Variants in HSD17B12 observed in about 807,000 individuals in gnomAD.
HSD17B12 encodes very-long-chain 3-oxoacyl-CoA reductase.
Under a neutral mutation model 39.3 loss-of-function variants are expected in HSD17B12, and 32 were observed. That is an observed-to-expected ratio of 0.81 (90% CI 0.61 to 1.09). The LOEUF (loss-of-function observed/expected upper bound fraction) is 1.09. HSD17B12 is among the 50% of genes least tolerant of loss of function. The pLI is 0.00. For missense variants in HSD17B12, 342 were observed against 382.9 expected (o/e 0.89, Z 0.89); for synonymous variants, 150 against 146.7 (o/e 1.02, Z -0.16).
intron 4 of HSD17B12, among the ~76,000 whole-genome samples, chr11:43,801,900 A>T (rs1162164178): frequency 6.6e-6 from 1 of 152,164 alleles, no homozygotes; most frequent in Non-Finnish European, 1.5e-5. Context: ...GTTCAATAGA[A>T]ATGTAACACA....
intron 6 of HSD17B12, among the ~76,000 whole-genome samples, chr11:43,822,086 T>A (rs1030186818): frequency 6.6e-6 from 1 of 152,174 alleles, no homozygotes; most frequent in Non-Finnish European, 1.5e-5. Flanking sequence ...GCTGAATCTC[T>A]TAGGAAATGT....
Position 43,680,788 on chromosome 11 carries a change from T to A in HSD17B12, c.-40T>A. ...CCTCCTCCTGGATTCATTCACTCGC[T>A]CTTTTCATTCACGAAGGTAGTGAGG... On this transcript the variant is annotated 5_prime_UTR_variant, in exon 1 of 11. Coordinates refer to ENST00000278353, the MANE Select transcript of HSD17B12 (RefSeq NM_016142.3). 1 of 1,565,984 alleles carries A rather than the reference T, an allele frequency of 6.4e-7. No individual in the cohort carries two copies.
At chr11:43,666,275 C>T in the HSD17B12 span, among the ~76,000 whole-genome samples, 1 of 152,280 alleles carries the variant, frequency 6.6e-6, no homozygotes, top group African/African-American at 2.4e-5. Flanking sequence ...GCAGTCATGG[C>T]TTACTGCAGC....
At chr11:43,709,612 A>AT (rs886796824) in intron 1 of HSD17B12, among the ~76,000 whole-genome samples, 1 of 152,126 alleles carries the variant, frequency 6.6e-6, no homozygotes, top group Admixed American at 6.5e-5. Flanking sequence ...GAGTAATTGG[A>AT]TTTTTTTCTC....
At chr11:43,659,417 C>T in the HSD17B12 span, among the ~76,000 whole-genome samples, 2 of 152,200 alleles carry the variant, frequency 1.3e-5, no homozygotes, top group Non-Finnish European at 2.9e-5. Context: ...CACTGTCTGG[C>T]ACTCCCCAGT....
chr11:43,807,987 A>G (rs114066022), intron 4 of HSD17B12, among the ~76,000 whole-genome samples: 4,102 of 152,278 alleles, frequency 0.027, 189 homozygotes, highest in African/African-American at 0.092. Context: ...ACAGTTACAG[A>G]GTTAGACATC....
At chr11:43,745,123 CT>C (rs1950401797) in intron 1 of HSD17B12, among the ~76,000 whole-genome samples, 2 of 152,164 alleles carry the variant, frequency 1.3e-5, no homozygotes, top group Non-Finnish European at 2.9e-5. Flanking sequence ...ACTCCAACAA[CT>C]GGAGAATCAG....
chr11:43,559,268 G>A, the HSD17B12 span, among the ~76,000 whole-genome samples: 4 of 152,186 alleles, frequency 2.6e-5, no homozygotes, highest in South Asian at 2.1e-4. Context: ...TCTGGTCCTG[G>A]AATTATAGCC....
At chr11:43,754,020 G>C (rs780127134) in intron 2 of HSD17B12, 26 bp from the exon 3 acceptor site, 6 of 1,518,036 alleles carry the variant, frequency 4.0e-6, no homozygotes, top group Non-Finnish European at 5.5e-6. Flanking sequence ...GCACAGGTGT[G>C]ATTCAAATCT....
At chr11:43,640,578 T>G in the HSD17B12 span, among the ~76,000 whole-genome samples, 2 of 152,056 alleles carry the variant, frequency 1.3e-5, no homozygotes, top group Non-Finnish European at 1.5e-5. Context: ...TTTCATATGT[T>G]TATTTGAAGC....
intron 4 of HSD17B12, among the ~76,000 whole-genome samples, chr11:43,799,929 A>C (rs1338457284): frequency 6.6e-6 from 1 of 152,124 alleles, no homozygotes; most frequent in Non-Finnish European, 1.5e-5. Context: ...CCATATACCG[A>C]CACCACTACT....
intron 4 of HSD17B12, among the ~76,000 whole-genome samples, chr11:43,806,626 G>T (rs564144619): frequency 6.6e-6 from 1 of 152,156 alleles, no homozygotes; most frequent in East Asian, 1.9e-4. Context: ...TCACTCATAT[G>T]TGTGAGCTTA....
the HSD17B12 span, among the ~76,000 whole-genome samples, chr11:43,657,448 T>C: frequency 6.6e-6 from 1 of 152,208 alleles, no homozygotes; most frequent in African/African-American, 2.4e-5. Flanking sequence ...GTCACTATGA[T>C]GTTAGCTGGT....
intron 4 of HSD17B12, among the ~76,000 whole-genome samples, chr11:43,801,471 C>T (rs1444942906): frequency 6.6e-6 from 1 of 152,040 alleles, no homozygotes; most frequent in African/African-American, 2.4e-5. Flanking sequence ...TCTGCATTAA[C>T]ACTGCATTTG....
chr11:43,603,800 G>A, the HSD17B12 span, among the ~76,000 whole-genome samples: 6 of 152,070 alleles, frequency 3.9e-5, no homozygotes, highest in Non-Finnish European at 5.9e-5. Context: ...TTAATATCTC[G>A]TTTCTAATAA....
At chr11:43,695,218 C>T (rs1949899472) in intron 1 of HSD17B12, among the ~76,000 whole-genome samples, 1 of 152,116 alleles carries the variant, frequency 6.6e-6, no homozygotes, top group Admixed American at 6.6e-5. Context: ...AACCAAATAT[C>T]TTCTGAATAC....
At chr11:43,703,361 A>AT (rs536357927) in intron 1 of HSD17B12, among the ~76,000 whole-genome samples, 4 of 151,742 alleles carry the variant, frequency 2.6e-5, no homozygotes, top group African/African-American at 4.8e-5. Flanking sequence ...CGCCCGGCTA[A>AT]TTTTTTGTAT....
the HSD17B12 span, among the ~76,000 whole-genome samples, chr11:43,586,422 A>G: frequency 6.6e-6 from 1 of 152,196 alleles, no homozygotes; most frequent in Non-Finnish European, 1.5e-5. Context: ...AACATTTGCT[A>G]GCATGAAGCA....
At chr11:43,795,335 C>A (rs1018682830) in intron 3 of HSD17B12, among the ~76,000 whole-genome samples, 1 of 152,120 alleles carries the variant, frequency 6.6e-6, no homozygotes, top group African/African-American at 2.4e-5. Flanking sequence ...CTAGCTAGCT[C>A]CCACCTTAGC....
Sources: allele counts gnomAD v4.1 joint callset (sites outside exome capture counted in the v4.1 genomes callset), GRCh38; gene constraint gnomAD v4.1.1; transcripts MANE v1.5; gene names NCBI Gene and HGNC (gene_info 2026-07-23, HGNC 2026-07-21).